The following SLC4A10 variants were observed in gnomAD, a reference collection of about 807,000 sequenced individuals.
The protein encoded by SLC4A10 is solute carrier family 4 member 10.
In SLC4A10, 42 loss-of-function variants were observed where a neutral mutation model predicts 137.7. That is an observed-to-expected ratio of 0.30 (90% CI 0.24 to 0.39). The LOEUF (loss-of-function observed/expected upper bound fraction) is 0.39, where lower values mean the gene tolerates loss of function less well. Among genes scored for constraint, SLC4A10 ranks in the 10% least tolerant of loss-of-function variants. The probability of loss-of-function intolerance (pLI) is 1.00; values close to 1 mark genes in which losing one functional copy is unlikely to be tolerated. For synonymous variants in SLC4A10, 474 were observed against 464.1 expected, an observed-to-expected ratio of 1.02 and a Z score of -0.27; for missense variants, 925 against 1,355.0, an observed-to-expected ratio of 0.68 and a Z score of 4.98.
intron 3 of SLC4A10, among the ~76,000 whole-genome samples, chr2:161,816,441 A>G (rs566586459): frequency 6.6e-6 from 1 of 152,244 alleles, no homozygotes; most frequent in Admixed American, 6.5e-5. Flanking sequence ...CATCAATTTA[A>G]CAAAACGATT....
At chr2:161,975,174 G>A (rs971938156) in intron 24 of SLC4A10, among the ~76,000 whole-genome samples, 12 of 152,052 alleles carry the variant, frequency 7.9e-5, no homozygotes, top group Non-Finnish European at 1.8e-4. Flanking sequence ...CTCTTAAGAG[G>A]GGGCACAACT....
intron 15 of SLC4A10, among the ~76,000 whole-genome samples, chr2:161,942,580 G>A (rs1692909909): frequency 6.6e-6 from 1 of 152,064 alleles, no homozygotes; most frequent in South Asian, 2.1e-4. Flanking sequence ...TCTCATTCCA[G>A]GAAACACTGT....
In SLC4A10 at chr2:161,966,399, G is replaced by T. The variant is rs544064509; in HGVS notation, c.3159+1226G>T. 3.4e-3 allele frequency among the ~76,000 whole-genome samples: 510 copies of T among 152,096 alleles called. 2 individuals carry two copies. Among genetic ancestry groups the T allele is most frequent in the African/African-American group, 0.012 (488 of 41,500 alleles). ...ACACAAAAAATGATATTATACAATT[G>T]TTATTATTTATTTTTCTGTTTGATA... On this transcript the variant is annotated intron_variant, in intron 23 of 26. Coordinates refer to ENST00000446997, the MANE Select transcript of SLC4A10 (RefSeq NM_001178015.2).
rs574497638 is a variant in SLC4A10, at chr2:161,914,931, A to C, written c.1997+9044A>C. 5.9e-5 allele frequency among the ~76,000 whole-genome samples: 9 copies of C among 152,294 alleles called. No homozygotes were observed. In the East Asian group the frequency reaches 1.7e-3, roughly 29 times the overall value. ...CCTGGCAAAACCCCACTTTCGAGCC[A>C]AAAAGCCTGAAACCCGCAGCCCAAA... On this transcript the variant is annotated intron_variant, in intron 15 of 26. Coordinates refer to ENST00000446997, the MANE Select transcript of SLC4A10 (RefSeq NM_001178015.2).
intron 1 of SLC4A10, among the ~76,000 whole-genome samples, chr2:161,634,376 GT>G (rs1000269787): frequency 3.3e-5 from 5 of 151,696 alleles, no homozygotes; most frequent in Admixed American, 2.6e-4. Context: ...GGTATCTTCT[GT>G]TTTTTTCCCA....
At chr2:161,832,443 C>T (rs759270859) in intron 3 of SLC4A10, among the ~76,000 whole-genome samples, 4 of 152,194 alleles carry the variant, frequency 2.6e-5, no homozygotes, top group African/African-American at 9.7e-5. Context: ...AATTAATAGA[C>T]TTTGAAAGAA....
chr2:161,792,614 A>G (rs1327997188), intron 2 of SLC4A10, among the ~76,000 whole-genome samples: 2 of 152,172 alleles, frequency 1.3e-5, no homozygotes, highest in Non-Finnish European at 2.9e-5. Context: ...CCTCAGCTGC[A>G]TACAGCACAT....
At chr2:161,836,628 A>C (rs1191223527) in intron 3 of SLC4A10, among the ~76,000 whole-genome samples, 2 of 145,066 alleles carry the variant, frequency 1.4e-5, no homozygotes, top group African/African-American at 2.6e-5. Flanking sequence ...GAAAGAAAAG[A>C]AAGAAAAGAA....
intron 1 of SLC4A10, among the ~76,000 whole-genome samples, chr2:161,682,163 G>A (rs1271320679): frequency 1.3e-5 from 2 of 152,002 alleles, no homozygotes; most frequent in African/African-American, 2.4e-5. Flanking sequence ...ATTCCATGTC[G>A]AGTATGTTTA....
At chr2:161,745,604 G>T (rs1330286588) in intron 1 of SLC4A10, among the ~76,000 whole-genome samples, 1 of 152,032 alleles carries the variant, frequency 6.6e-6, no homozygotes, top group Non-Finnish European at 1.5e-5. Context: ...ACATTTTCTG[G>T]AATGGTCTTA....
At chr2:161,854,698 A>G (rs1042032322) in intron 4 of SLC4A10, among the ~76,000 whole-genome samples, 102 of 152,312 alleles carry the variant, frequency 6.7e-4, no homozygotes, top group African/African-American at 2.4e-3. Flanking sequence ...TTAAACAATT[A>G]TATTTAAATA....
intron 4 of SLC4A10, among the ~76,000 whole-genome samples, chr2:161,850,899 T>C (rs1172927631): frequency 1.3e-5 from 2 of 152,186 alleles, no homozygotes; most frequent in Non-Finnish European, 2.9e-5. Context: ...CCAGAGATTC[T>C]AGTATGTTGT....
At chr2:161,746,485 G>A (rs185981708) in intron 1 of SLC4A10, among the ~76,000 whole-genome samples, 19 of 152,106 alleles carry the variant, frequency 1.2e-4, no homozygotes, top group Admixed American at 5.2e-4. Context: ...ACTTCAGGGC[G>A]CAGGTTCCTT....
chr2:161,679,174 T>C (rs983510087), intron 1 of SLC4A10, among the ~76,000 whole-genome samples: 1 of 152,160 alleles, frequency 6.6e-6, no homozygotes, highest in South Asian at 2.1e-4. Context: ...GGATATTTTA[T>C]GTACAGGGGA....
At chr2:161,717,960 A>G (rs140820405) in intron 1 of SLC4A10, among the ~76,000 whole-genome samples, 1 of 152,250 alleles carries the variant, frequency 6.6e-6, no homozygotes, top group Non-Finnish European at 1.5e-5. Flanking sequence ...TACTGCCTCA[A>G]TTTCAGAACT....
chr2:161,902,673 T>C (rs1355499353), intron 12 of SLC4A10, among the ~76,000 whole-genome samples: 2 of 152,156 alleles, frequency 1.3e-5, no homozygotes, highest in Admixed American at 6.5e-5. Flanking sequence ...TATAGTGATC[T>C]TATACCTGCA....
At chr2:161,969,123 G>T (rs933003398) in intron 23 of SLC4A10, among the ~76,000 whole-genome samples, 1 of 152,140 alleles carries the variant, frequency 6.6e-6, no homozygotes. Context: ...TTTAAAGTAG[G>T]CTCACCTCTT....
At position 161,751,163 on chromosome 2, in the gene SLC4A10, G is replaced by T. The variant is rs187371822; in HGVS notation, c.49-19810G>T. 1.8e-3 allele frequency among the ~76,000 whole-genome samples: 274 copies of T among 151,620 alleles called. 1 individual carries two copies. Among genetic ancestry groups the T allele is most frequent in the Admixed American group, 5.9e-3 (90 of 15,208 alleles). On this transcript the variant is annotated intron_variant, in intron 1 of 26. Coordinates refer to ENST00000446997, the MANE Select transcript of SLC4A10 (RefSeq NM_001178015.2). ...TGCGGTTGGATCTTGCTTATTTTTTGTTGTTGTTGTTATTTGTTTGTTCGT... is the reference window on the plus strand; with the variant it reads ...TGCGGTTGGATCTTGCTTATTTTTTTTTGTTGTTGTTATTTGTTTGTTCGT...
rs200993472 is a variant in SLC4A10 at position 161,912,561 on chromosome 2, G to GT, written c.1997+6676dup. On this transcript the variant is annotated intron_variant, in intron 15 of 26. Transcript: ENST00000446997. Reference sequence around the variant, plus strand: ...TGGTAATATGTGTATGTTAGGTCAAGTTACAACCATGGGCAGCTAGTATTC... The same window carrying GT: ...TGGTAATATGTGTATGTTAGGTCAAGTTTACAACCATGGGCAGCTAGTATTC... Among the ~76,000 whole-genome samples, 37 of 152,218 alleles carry GT rather than the reference G, an allele frequency of 2.4e-4. No homozygotes were observed. In the East Asian group the frequency reaches 6.8e-3, roughly 28 times the overall value.
Sources: allele counts gnomAD v4.1 joint callset (sites outside exome capture counted in the v4.1 genomes callset), GRCh38; gene constraint gnomAD v4.1.1; transcripts MANE v1.5; gene names NCBI Gene and HGNC (gene_info 2026-07-23, HGNC 2026-07-21).